Variants in VPS8 observed in about 807,000 individuals in gnomAD.
VPS8 encodes VPS8 subunit of CORVET complex, also known as vacuolar protein sorting-associated protein 8 homolog.
Under a neutral mutation model 216.4 loss-of-function variants are expected in VPS8, and 129 were observed. That is an observed-to-expected ratio of 0.60 (90% CI 0.52 to 0.69). VPS8 has a LOEUF of 0.69. Among genes scored for constraint, VPS8 ranks in the 30% least tolerant of loss-of-function variants. The pLI is 0.00. For synonymous variants in VPS8, 571 were observed against 565.4 expected (o/e 1.01, Z -0.14); for missense variants, 1,531 against 1,683.5 (o/e 0.91, Z 1.59).
intron 29 of VPS8, among the ~76,000 whole-genome samples, chr3:184,921,903 A>G (rs1738695608): frequency 6.6e-6 from 1 of 152,112 alleles, no homozygotes; most frequent in Non-Finnish European, 1.5e-5. Flanking sequence ...GGAAGACTAG[A>G]TGTTGGAGCA....
At chr3:184,843,218 CT>C in intron 7 of VPS8, 21 bp from the exon 8 acceptor site, 1 of 1,429,222 alleles carries the variant, frequency 7.0e-7, no homozygotes, top group Non-Finnish European at 9.2e-7. Flanking sequence ...CTTTCTTGAT[CT>C]TTTCTTCATG....
At chr3:184,911,409 A>G (rs1392402271) in intron 25 of VPS8, among the ~76,000 whole-genome samples, 1 of 152,198 alleles carries the variant, frequency 6.6e-6, no homozygotes, top group East Asian at 1.9e-4. Flanking sequence ...AAAATGTCTG[A>G]GACAAGTCTC....
At chr3:185,003,352 ACTCTTAACG>A (rs1753702068) in intron 45 of VPS8, among the ~76,000 whole-genome samples, 1 of 144,692 alleles carries the variant, frequency 6.9e-6, no homozygotes, top group Admixed American at 6.8e-5. Flanking sequence ...ATTGGTGATG[ACTCTTAACG>A]AGCATGCTGC....
intron 34 of VPS8, among the ~76,000 whole-genome samples, chr3:184,930,904 T>A (rs1320538913): frequency 2.6e-5 from 4 of 152,176 alleles, no homozygotes; most frequent in Admixed American, 2.6e-4. Flanking sequence ...AATCATCTAA[T>A]GGACTTTTAG....
Position 184,920,165 on chromosome 3 carries a change from A to G in VPS8, c.2421A>G (p.Glu807=). 2 of 1,526,142 alleles carry G rather than the reference A, an allele frequency of 1.3e-6. No individual in the cohort carries two copies. Among genetic ancestry groups the G allele is most frequent in the South Asian group, 2.6e-5 (2 of 77,126 alleles). 94.5% of individuals were successfully genotyped at this position (1,526,142 alleles called of 1,614,324 possible). A position where few individuals can be genotyped will look rare whatever the true frequency, so the allele number is the denominator to read the frequency against. Residue 807 remains glutamate, a synonymous_variant, in exon 29 of 48, where the codon GAA becomes GAG. Transcript: ENST00000625842. ...EDFKNDKQAV[E]YQQRIVDILL... is the part of the protein sequence containing the mutation. ...TTAAAAATGACAAGCAAGCTGTGGA[A>G]TATCAACAGCGAATTGTGGATATTT...
chr3:184,960,280 ATAGTGTTGCACTCTTTTTCATGACCTCCT>A (rs1240694024), intron 37 of VPS8, among the ~76,000 whole-genome samples: 3 of 152,084 alleles, frequency 2.0e-5, no homozygotes, highest in African/African-American at 7.2e-5. Flanking sequence ...GCTATTGTGA[ATAGTGTTGCACTCTTTTTCATGACCTCCT>A]TGAAGATGCA....
At chr3:184,886,271 T>A in intron 22 of VPS8, 115 bp downstream of exon 22, 1 of 1,024,422 alleles carries the variant, frequency 9.8e-7, no homozygotes, top group South Asian at 1.7e-5. Context: ...AATATTAATT[T>A]ATAGAAATTT....
At chr3:185,008,188 A>G (rs1254318870) in intron 45 of VPS8, among the ~76,000 whole-genome samples, 2 of 152,208 alleles carry the variant, frequency 1.3e-5, no homozygotes, top group South Asian at 4.1e-4. Flanking sequence ...GTACATAGAG[A>G]CGATTGATCA....
intron 21 of VPS8, among the ~76,000 whole-genome samples, chr3:184,872,092 C>T (rs1374627547): frequency 6.6e-6 from 1 of 152,092 alleles, no homozygotes; most frequent in Admixed American, 6.6e-5. Flanking sequence ...GGGAACAAAA[C>T]TGTTTGGAAA....
At chr3:184,887,037 G>A (rs772304009) in intron 22 of VPS8, among the ~76,000 whole-genome samples, 10 of 152,126 alleles carry the variant, frequency 6.6e-5, no homozygotes, top group Non-Finnish European at 1.2e-4. Context: ...AGTTTAAATT[G>A]TAACTATATA....
chr3:185,045,178 A>ATGATCGCATTACAAATT (rs1342167576), intron 46 of VPS8, among the ~76,000 whole-genome samples: 3 of 151,506 alleles, frequency 2.0e-5, no homozygotes, highest in Non-Finnish European at 4.4e-5. Flanking sequence ...CACCAGTGTC[A>ATGATCGCATTACAAATT]ATACAAAGTG....
chr3:184,849,271 C>G, intron 9 of VPS8, 76 bp downstream of exon 9: 1 of 1,516,248 alleles, frequency 6.6e-7, no homozygotes, highest in Non-Finnish European at 8.9e-7. Context: ...CATCTTAGAT[C>G]AAAGACCAAA....
Position 184,870,818 on chromosome 3 carries a change from T to A in VPS8, c.1734+13T>A, listed in dbSNP as rs528044646. ...GCAGCATTTTCAGGTACACATTGCA[T>A]GTGCTTCCAGTAGACGATGCTCTGG... On this transcript the variant is annotated intron_variant, in intron 21 of 47. Transcript: ENST00000625842. 7.0e-5 allele frequency: 112 copies of A among 1,604,472 alleles called. 3 individuals carry two copies. In the South Asian group the frequency reaches 1.1e-3, roughly 16 times the overall value.
At chr3:184,928,801 G>T (rs146438990) in intron 32 of VPS8, among the ~76,000 whole-genome samples, 1 of 152,062 alleles carries the variant, frequency 6.6e-6, no homozygotes, top group East Asian at 1.9e-4. Flanking sequence ...TATTATTTTA[G>T]ATTTTTTCTT....
At chr3:184,943,067 G>T (rs925996440) in intron 36 of VPS8, among the ~76,000 whole-genome samples, 6 of 152,106 alleles carry the variant, frequency 3.9e-5, no homozygotes, top group African/African-American at 7.2e-5. Flanking sequence ...TCTTTCCAGG[G>T]ATGCAGGGTA....
chr3:184,883,362 T>C (rs1372467130), intron 21 of VPS8, among the ~76,000 whole-genome samples: 1 of 152,236 alleles, frequency 6.6e-6, no homozygotes. Context: ...TTTCTTGTTA[T>C]TCAACATCAA....
Position 184,843,166 on chromosome 3 carries a change from C to G in VPS8, c.536-74C>G, listed in dbSNP as rs2108611992. ...TATATTCTTGAAATTTTTTACCTGCCTTTTCTTCGAACTTTTGAACTGATT... is the reference window on the plus strand; with the variant it reads ...TATATTCTTGAAATTTTTTACCTGCGTTTTCTTCGAACTTTTGAACTGATT... On this transcript the variant is annotated intron_variant, in intron 7 of 47. Coordinates refer to ENST00000625842, the MANE Select transcript of VPS8 (RefSeq NM_001009921.3). 4 of 1,196,338 alleles carry G rather than the reference C, an allele frequency of 3.3e-6. No homozygotes were observed. In the East Asian group the frequency reaches 1.1e-4, roughly 33 times the overall value. The allele number at this position is 1,196,338 out of a possible 1,614,324, so 74.1% of individuals were successfully genotyped here.
intron 25 of VPS8, among the ~76,000 whole-genome samples, chr3:184,902,929 GGTCTATAATTC>G (rs1435531665): frequency 6.6e-6 from 1 of 152,022 alleles, no homozygotes; most frequent in East Asian, 1.9e-4. Context: ...CTTGCATTTA[GGTCTATAATTC>G]GTTTCGAGTT....
chr3:185,024,470 G>A (rs1757080277), intron 46 of VPS8, 81 bp downstream of exon 46: 1 of 1,402,204 alleles, frequency 7.1e-7, no homozygotes, highest in Non-Finnish European at 9.8e-7. Context: ...TCTCAACATG[G>A]CAATGATTTT....
Sources: allele counts gnomAD v4.1 joint callset (sites outside exome capture counted in the v4.1 genomes callset), GRCh38; gene constraint gnomAD v4.1.1; transcripts MANE v1.5; gene names NCBI Gene and HGNC (gene_info 2026-07-23, HGNC 2026-07-21).